Variants in GRM5 observed in about 807,000 individuals in gnomAD.
The protein encoded by GRM5 is glutamate metabotropic receptor 5, also known as metabotropic glutamate receptor 5.
Under a neutral mutation model 83.1 loss-of-function variants are expected in GRM5, and 19 were observed. The observed-to-expected ratio is 0.23, with a 90% CI of 0.16 to 0.34. GRM5 has a LOEUF of 0.34. GRM5 is among the 10% of genes least tolerant of loss of function. GRM5 has a pLI of 1.00. For synonymous variants in GRM5, 675 were observed against 633.6 expected (o/e 1.07, Z -0.98); for missense variants, 1,160 against 1,588.3 (o/e 0.73, Z 4.58).
At chr11:88,868,567 C>CATT (rs1310008764) in intron 2 of GRM5, among the ~76,000 whole-genome samples, 2 of 151,740 alleles carry the variant, frequency 1.3e-5, no homozygotes, top group Non-Finnish European at 2.9e-5. Context: ...AACTATGACA[C>CATT]ATTCCTGAAT....
chr11:88,509,206 G>A lies in GRM5; in HGVS notation c.3025C>T (p.His1009Tyr), dbSNP rs1327426689. 3.9e-6 allele frequency: 6 copies of A among 1,534,566 alleles called. No homozygotes were observed. The African/African-American group carries it at 5.6e-5, about 14-fold the overall frequency. The change falls in exon 10 of 10, where the codon CAC (histidine) becomes TAC (tyrosine). Residue 1009 changes from histidine (H) to tyrosine (Y), a missense_variant. By Grantham distance (83) the His-to-Tyr change is moderately conservative. This residue lies in a region of GRM5 where 562 missense variants were observed against 532.4 expected (regional missense o/e 1.06). Coordinates refer to ENST00000305447, the MANE Select transcript of GRM5 (RefSeq NM_001143831.3). Reference sequence around the variant, plus strand: ...CGCGGCCGCGCGGGCGCCGGGAAGTGCTCCTCAGCCTCGGCCACATCATAC... The same window carrying A: ...CGCGGCCGCGCGGGCGCCGGGAAGTACTCCTCAGCCTCGGCCACATCATAC... Reference protein sequence around the residue: ...ALYDVAEAEEHFPAPARPRSP... With the variant: ...ALYDVAEAEEYFPAPARPRSP...
intron 2 of GRM5, among the ~76,000 whole-genome samples, chr11:89,009,930 A>AAAAAAAAAAAAAC (rs1316250515): frequency 1.0e-5 from 1 of 100,122 alleles, no homozygotes; most frequent in African/African-American, 3.1e-5. Flanking sequence ...AAAAAAAAAA[A>AAAAAAAAAAAAAC]CACACACAAA....
chr11:89,005,535 C>T lies in GRM5; in HGVS notation c.661+41677G>A, dbSNP rs1940500800. ...ATATTATAATCTACATCGAATATCT[C>T]TGGATTCAGAATGCCTTTAATGTTG... On this transcript the variant is annotated intron_variant, in intron 2 of 9. Transcript: ENST00000305447. Among the ~76,000 whole-genome samples the T allele has an allele frequency of 2.0e-5, 3 of 152,192 alleles. No individual in the cohort carries two copies. The East Asian group carries it at 5.8e-4, about 29-fold the overall frequency.
At chr11:88,719,966 C>T (rs1591464674) in intron 3 of GRM5, among the ~76,000 whole-genome samples, 1 of 151,992 alleles carries the variant, frequency 6.6e-6, no homozygotes, top group Non-Finnish European at 1.5e-5. Flanking sequence ...GGGTATTAGA[C>T]CTTTGTCAGA....
intron 4 of GRM5, among the ~76,000 whole-genome samples, chr11:88,641,313 C>T (rs1400591381): frequency 2.6e-5 from 4 of 152,052 alleles, no homozygotes; most frequent in African/African-American, 9.7e-5. Context: ...ATCCGATCAC[C>T]TACCACCAAG....
chr11:88,519,631 A>G (rs538040902), intron 9 of GRM5, among the ~76,000 whole-genome samples: 1 of 152,288 alleles, frequency 6.6e-6, no homozygotes, highest in South Asian at 2.1e-4. Context: ...GAGAACATGA[A>G]TTTTAAAACA....
At chr11:88,742,235 T>C (rs1221480467) in intron 3 of GRM5, among the ~76,000 whole-genome samples, 1 of 152,026 alleles carries the variant, frequency 6.6e-6, no homozygotes, top group Non-Finnish European at 1.5e-5. Context: ...TATTTACATT[T>C]GCATAATACT....
intron 3 of GRM5, among the ~76,000 whole-genome samples, chr11:88,840,613 G>A (rs924963071): frequency 7.2e-5 from 11 of 152,102 alleles, no homozygotes; most frequent in African/African-American, 2.7e-4. Flanking sequence ...GGCTTTCAGG[G>A]CTTTTTCCAT....
intron 2 of GRM5, among the ~76,000 whole-genome samples, chr11:88,879,573 C>T (rs1238686566): frequency 6.6e-6 from 1 of 151,844 alleles, no homozygotes; most frequent in Non-Finnish European, 1.5e-5. Flanking sequence ...AGAAATCTAC[C>T]TGTAACCAGT....
At chr11:88,726,140 A>G (rs1001510405) in intron 3 of GRM5, among the ~76,000 whole-genome samples, 1 of 152,190 alleles carries the variant, frequency 6.6e-6, no homozygotes, top group Admixed American at 6.5e-5. Context: ...AAGAACCTTG[A>G]AAAAAGATGA....
chr11:88,543,483 G>C (rs767860190), intron 8 of GRM5, among the ~76,000 whole-genome samples: 1 of 152,012 alleles, frequency 6.6e-6, no homozygotes, highest in African/African-American at 2.4e-5. Flanking sequence ...ACAACAGTGA[G>C]TGGGGCCTGG....
intron 2 of GRM5, among the ~76,000 whole-genome samples, chr11:88,870,540 A>G (rs1944747588): frequency 6.6e-6 from 1 of 151,556 alleles, no homozygotes; most frequent in Non-Finnish European, 1.5e-5. Flanking sequence ...TTGGTACCAT[A>G]TTTTGTCTAG....
chr11:88,539,804 A>G (rs1321818209), intron 8 of GRM5, among the ~76,000 whole-genome samples: 1 of 152,202 alleles, frequency 6.6e-6, no homozygotes, highest in Non-Finnish European at 1.5e-5. Context: ...GGATTTGAAA[A>G]TGATGTAGAG....
Position 89,047,195 on chromosome 11 carries a change from A to G in GRM5, c.661+17T>C, listed in dbSNP as rs1490072764. On this transcript the variant is annotated intron_variant, in intron 2 of 9. Transcript: ENST00000305447. This position sits in a 1 kb window ranked among gnomAD's most constrained non-coding sequence, Gnocchi z 5.1. The stretch of plus-strand genomic sequence containing the variant: ...GTGCATAATAATATATACTCGATGT[A>G]TGCAAAGGAAACTTACCTTCTGTGT... 5.7e-6 allele frequency: 9 copies of G among 1,576,540 alleles called. No individual in the cohort carries two copies. The highest frequency in any genetic ancestry group is 7.8e-6 in the Non-Finnish European group (9 of 1,153,834).
At chr11:88,532,657 A>C (rs1321330634) in intron 8 of GRM5, among the ~76,000 whole-genome samples, 2 of 152,154 alleles carry the variant, frequency 1.3e-5, no homozygotes, top group African/African-American at 2.4e-5. Flanking sequence ...TGGAATTGTA[A>C]CTTTAGGGAT....
intron 2 of GRM5, among the ~76,000 whole-genome samples, chr11:88,989,468 C>A (rs578181207): frequency 0.076 from 8,546 of 112,332 alleles, 1,321 homozygotes; most frequent in African/African-American, 0.26. Context: ...AGAAAGTCAA[C>A]AAGGATACCC....
intron 2 of GRM5, among the ~76,000 whole-genome samples, chr11:88,974,300 A>G (rs1456699575): frequency 1.3e-5 from 2 of 152,080 alleles, no homozygotes; most frequent in African/African-American, 4.8e-5. Flanking sequence ...TCTGGAGTAG[A>G]TATGAAAATG....
At chr11:88,555,666 C>A (rs773669681) in intron 8 of GRM5, among the ~76,000 whole-genome samples, 1 of 152,142 alleles carries the variant, frequency 6.6e-6, no homozygotes, top group East Asian at 1.9e-4. Context: ...CTGGCAACTT[C>A]TTTATCCAGA....
chr11:88,880,727 T>A (rs1162441007), intron 2 of GRM5, among the ~76,000 whole-genome samples: 1 of 152,054 alleles, frequency 6.6e-6, no homozygotes, highest in Non-Finnish European at 1.5e-5. Flanking sequence ...CTTAAGCAAA[T>A]AGAATGTTTT....
Sources: allele counts gnomAD v4.1 joint callset (sites outside exome capture counted in the v4.1 genomes callset), GRCh38; gene constraint gnomAD v4.1.1; regional missense constraint gnomAD v4.1.1; non-coding constraint Gnocchi (gnomAD v3.1); transcripts MANE v1.5; gene names NCBI Gene and HGNC (gene_info 2026-07-23, HGNC 2026-07-21).